The following SMURF1 variants were observed in gnomAD, a reference collection of about 807,000 sequenced individuals.
SMURF1 encodes the protein E3 ubiquitin-protein ligase SMURF1.
SMURF1 carries 44 observed loss-of-function variants against 98.0 expected under a neutral mutation model. The ratio of observed to expected loss-of-function variants is 0.45; its 90% CI spans 0.35 to 0.58. The LOEUF (loss-of-function observed/expected upper bound fraction) is 0.58. Among genes scored for constraint, SMURF1 ranks in the 20% least tolerant of loss-of-function variants. The pLI is 0.00. For synonymous variants in SMURF1, 396 were observed against 374.9 expected (o/e 1.06, Z -0.65); for missense variants, 687 against 938.4 (o/e 0.73, Z 3.50).
At chr7:99,073,572 C>T (rs918969021) in intron 1 of SMURF1, among the ~76,000 whole-genome samples, 12 of 151,870 alleles carry the variant, frequency 7.9e-5, no homozygotes, top group African/African-American at 2.9e-4. Context: ...CGAGACCAGC[C>T]TGGCCAACAT....
chr7:99,066,995 TTTC>T (rs1310351037), intron 1 of SMURF1, among the ~76,000 whole-genome samples: 5 of 117,804 alleles, frequency 4.2e-5, no homozygotes, highest in African/African-American at 1.8e-4. Context: ...TGGATTTTTT[TTTC>T]TTTTTTTTTT....
chr7:99,137,240 T>C (rs1301984964), intron 1 of SMURF1, among the ~76,000 whole-genome samples: 1 of 152,228 alleles, frequency 6.6e-6, no homozygotes, highest in South Asian at 2.1e-4. Context: ...TGCTACTCTA[T>C]AAATAATTCA....
At chr7:99,131,782 C>T (rs1797877493) in intron 1 of SMURF1, among the ~76,000 whole-genome samples, 1 of 151,756 alleles carries the variant, frequency 6.6e-6, no homozygotes. Context: ...TCTAGGGGAA[C>T]CAAGAGATAG....
intron 1 of SMURF1, among the ~76,000 whole-genome samples, chr7:99,101,911 G>A (rs1797090698): frequency 6.6e-6 from 1 of 151,094 alleles, no homozygotes; most frequent in Middle Eastern, 3.4e-3. Context: ...TCCAGCCTGG[G>A]CGACAGAGCA....
At chr7:99,133,038 T>C (rs928182303) in intron 1 of SMURF1, among the ~76,000 whole-genome samples, 12 of 152,066 alleles carry the variant, frequency 7.9e-5, no homozygotes, top group African/African-American at 2.2e-4. Context: ...GTGGTGCAGC[T>C]GGTCATCTTG....
intron 1 of SMURF1, among the ~76,000 whole-genome samples, chr7:99,069,506 T>C (rs922728161): frequency 4.6e-5 from 7 of 152,130 alleles, no homozygotes. Flanking sequence ...CTACAGGGCA[T>C]GCACCACCAC....
intron 1 of SMURF1, among the ~76,000 whole-genome samples, chr7:99,073,063 G>A (rs986111216): frequency 3.9e-5 from 6 of 152,270 alleles, no homozygotes; most frequent in African/African-American, 9.6e-5. Context: ...ACTGACTCAC[G>A]CTACTTCATC....
At chr7:99,071,799 C>G (rs1478517509) in intron 1 of SMURF1, among the ~76,000 whole-genome samples, 3 of 152,148 alleles carry the variant, frequency 2.0e-5, no homozygotes, top group Admixed American at 2.0e-4. Flanking sequence ...CAAGGCCAGA[C>G]TCAGCGGCTC....
chr7:99,082,789 T>C (rs1796599634), intron 1 of SMURF1, among the ~76,000 whole-genome samples: 1 of 152,210 alleles, frequency 6.6e-6, no homozygotes, highest in South Asian at 2.1e-4. Flanking sequence ...TGTTAATAGG[T>C]ACAGTGCTGC....
chr7:99,139,987 T>C (rs1383065628), intron 1 of SMURF1, among the ~76,000 whole-genome samples: 2 of 152,184 alleles, frequency 1.3e-5, no homozygotes, highest in African/African-American at 2.4e-5. Context: ...TTTCTGAATA[T>C]CAGGATTAAG....
chr7:99,077,178 C>A (rs1032945029), intron 1 of SMURF1, among the ~76,000 whole-genome samples: 4 of 151,514 alleles, frequency 2.6e-5, no homozygotes, highest in Admixed American at 1.3e-4. Context: ...TGGTTGTAAT[C>A]TTTAAATTTT....
At chr7:99,108,611 CAAAAAAAA>C (rs11458541) in intron 1 of SMURF1, among the ~76,000 whole-genome samples, 2 of 58,560 alleles carry the variant, frequency 3.4e-5, no homozygotes, top group East Asian at 7.2e-4. Context: ...AACTCTGTCT[CAAAAAAAA>C]AAAAAAAAAA....
intron 1 of SMURF1, among the ~76,000 whole-genome samples, chr7:99,103,205 A>C (rs1244370237): frequency 6.6e-6 from 1 of 152,192 alleles, no homozygotes; most frequent in Non-Finnish European, 1.5e-5. Context: ...GGAGGAAGAA[A>C]TAGAGACATG....
intron 1 of SMURF1, among the ~76,000 whole-genome samples, chr7:99,092,112 T>C (rs879848190): frequency 6.6e-6 from 1 of 152,208 alleles, no homozygotes; most frequent in Non-Finnish European, 1.5e-5. Flanking sequence ...AGCAATGATA[T>C]AGGTATCAAA....
chr7:99,061,849 G>C lies in SMURF1; in HGVS notation c.56-12C>G, dbSNP rs376351855. 1.5e-5 allele frequency: 24 copies of C among 1,595,172 alleles called. No individual in the cohort carries two copies. The African/African-American group carries it at 3.2e-4, about 21-fold the overall frequency. Reference sequence around the variant, plus strand: ...CTTGGCACATAACACTAAAAACAAAGAAAAATTACTCAGGTTAGCATTAAA... The same window carrying C: ...CTTGGCACATAACACTAAAAACAAACAAAAATTACTCAGGTTAGCATTAAA... On this transcript the variant is annotated splice_polypyrimidine_tract_variant and intron_variant, in intron 1 of 17. Coordinates refer to ENST00000361368, the MANE Select transcript of SMURF1 (RefSeq NM_181349.3).
At chr7:99,059,936 G>A (rs968383148) in intron 3 of SMURF1, among the ~76,000 whole-genome samples, 1 of 151,834 alleles carries the variant, frequency 6.6e-6, no homozygotes, top group Non-Finnish European at 1.5e-5. Context: ...CATTTTTTAG[G>A]TAGAAACTAC....
At chr7:99,084,354 C>T (rs1440435245) in intron 1 of SMURF1, among the ~76,000 whole-genome samples, 2 of 152,132 alleles carry the variant, frequency 1.3e-5, no homozygotes, top group East Asian at 1.9e-4. Context: ...GATCTCAGCT[C>T]ACTGCAACCT....
At chr7:99,049,902 C>G (rs529506255) in intron 8 of SMURF1, 193 bp from the exon 9 acceptor site, 1 of 489,480 alleles carries the variant, frequency 2.0e-6, no homozygotes, top group African/African-American at 2.0e-5. Flanking sequence ...ACAGCAGCAA[C>G]ATCCGAGAGA....
At chr7:99,070,389 G>C (rs574741809) in intron 1 of SMURF1, among the ~76,000 whole-genome samples, 1 of 152,214 alleles carries the variant, frequency 6.6e-6, no homozygotes, top group Non-Finnish European at 1.5e-5. Context: ...CACACAGACA[G>C]ATGGATTTTT....
Sources: allele counts gnomAD v4.1 joint callset (sites outside exome capture counted in the v4.1 genomes callset), GRCh38; gene constraint gnomAD v4.1.1; transcripts MANE v1.5; gene names NCBI Gene and HGNC (gene_info 2026-07-23, HGNC 2026-07-21).